Variants in HECW2 observed in about 807,000 individuals in gnomAD.
The protein encoded by HECW2 is E3 ubiquitin-protein ligase HECW2.
In HECW2, 61 loss-of-function variants were observed where a neutral mutation model predicts 175.2. The observed-to-expected ratio is 0.35, with a 90% confidence interval of 0.28 to 0.43. HECW2 has a LOEUF of 0.43. Ranked by LOEUF, HECW2 falls within the 20% of genes least tolerant of loss-of-function variation. The probability of loss-of-function intolerance (pLI) is 1.00; values close to 1 mark genes in which losing one functional copy is unlikely to be tolerated. For synonymous variants in HECW2, 671 were observed against 731.0 expected, an observed-to-expected ratio of 0.92 and a Z score of 1.32; for missense variants, 1,524 against 2,000.5, an observed-to-expected ratio of 0.76 and a Z score of 4.54.
At chr2:196,549,127 T>C (rs1689523079) in intron 1 of HECW2, among the ~76,000 whole-genome samples, 1 of 152,174 alleles carries the variant, frequency 6.6e-6, no homozygotes, top group South Asian at 2.1e-4. Flanking sequence ...CATTTTATCC[T>C]CTTAAAAGCC....
chr2:196,591,205 G>A (rs1434963034), intron 1 of HECW2, among the ~76,000 whole-genome samples: 3 of 152,288 alleles, frequency 2.0e-5, no homozygotes, highest in South Asian at 4.1e-4. Context: ...ATGGTGAAGC[G>A]AATGTCTTAG....
At chr2:196,441,833 G>A (rs1013203765) in intron 1 of HECW2, among the ~76,000 whole-genome samples, 12 of 152,104 alleles carry the variant, frequency 7.9e-5, no homozygotes, top group Non-Finnish European at 1.6e-4. Context: ...GAACTGAATA[G>A]AGAACCTGGG....
At chr2:196,528,996 G>A (rs1688758777) in intron 1 of HECW2, among the ~76,000 whole-genome samples, 1 of 152,218 alleles carries the variant, frequency 6.6e-6, no homozygotes, top group Non-Finnish European at 1.5e-5. Context: ...ACTAATGAGA[G>A]CAATTCTTGC....
intron 18 of HECW2, among the ~76,000 whole-genome samples, chr2:196,254,792 A>G (rs1410337479): frequency 1.3e-5 from 2 of 152,222 alleles, no homozygotes; most frequent in Non-Finnish European, 2.9e-5. Flanking sequence ...GACTCTTACA[A>G]ATCTAATACT....
chr2:196,571,393 A>T (rs1450386165), intron 1 of HECW2, among the ~76,000 whole-genome samples: 2 of 152,190 alleles, frequency 1.3e-5, no homozygotes, highest in African/African-American at 4.8e-5. Context: ...GCAAATCATT[A>T]AGTCTACTGG....
At chr2:196,400,350 G>A (rs76536959) in intron 2 of HECW2, among the ~76,000 whole-genome samples, 7,667 of 152,250 alleles carry the variant, frequency 0.05, 259 homozygotes, top group Non-Finnish European at 0.078. Context: ...TGTTGGCGGG[G>A]AAGGAGAGTA....
At chr2:196,214,591 AT>A (rs1302277264) in intron 28 of HECW2, among the ~76,000 whole-genome samples, 2 of 152,236 alleles carry the variant, frequency 1.3e-5, no homozygotes, top group East Asian at 3.8e-4. Flanking sequence ...CAAATAATGA[AT>A]TCCCAGATTT....
rs1575417383 is a variant in HECW2 at position 196,326,110 on chromosome 2, C to T, written c.572-961G>A. Among the ~76,000 whole-genome samples the T allele has an allele frequency of 5.9e-5, 9 of 152,182 alleles. 1 individual carries two copies. In the South Asian group the frequency reaches 1.9e-3, roughly 32 times the overall value. On this transcript the variant is annotated intron_variant, in intron 5 of 28. Transcript: ENST00000644978. ...TTCAGAGAGAAATTCTGCATATGGC[C>T]CCTGAACCTCCAAAGACCTTTGAAT...
At chr2:196,221,244 T>C (rs1029095966) in intron 24 of HECW2, among the ~76,000 whole-genome samples, 6 of 152,246 alleles carry the variant, frequency 3.9e-5, no homozygotes, top group Non-Finnish European at 8.8e-5. Flanking sequence ...ATTTGAATGT[T>C]TGACAAAACC....
intron 22 of HECW2, among the ~76,000 whole-genome samples, chr2:196,227,524 C>T (rs1367843608): frequency 6.6e-6 from 1 of 151,146 alleles, no homozygotes; most frequent in Non-Finnish European, 1.5e-5. Flanking sequence ...CGGTAAGTGG[C>T]CACTGCTTGT....
chr2:196,438,687 T>C (rs1243362193), intron 1 of HECW2, among the ~76,000 whole-genome samples: 1 of 152,370 alleles, frequency 6.6e-6, no homozygotes, highest in Admixed American at 6.5e-5. Context: ...AAGAGTTCTT[T>C]CATTACACTT....
At chr2:196,546,722 A>C (rs1323522438) in intron 1 of HECW2, among the ~76,000 whole-genome samples, 2 of 152,090 alleles carry the variant, frequency 1.3e-5, no homozygotes, top group East Asian at 3.9e-4. Context: ...TAGGTGATAA[A>C]CTGTACTGAA....
At chr2:196,386,792 A>C (rs1694364102) in intron 2 of HECW2, among the ~76,000 whole-genome samples, 1 of 152,192 alleles carries the variant, frequency 6.6e-6, no homozygotes, top group Non-Finnish European at 1.5e-5. Flanking sequence ...AATAGTGCTA[A>C]ACAAATTCAT....
intron 2 of HECW2, among the ~76,000 whole-genome samples, chr2:196,364,751 T>C (rs764349834): frequency 2.2e-4 from 33 of 152,134 alleles, no homozygotes; most frequent in Non-Finnish European, 3.7e-4. Flanking sequence ...ATTAAATAAA[T>C]ATAAAATGAA....
intron 2 of HECW2, among the ~76,000 whole-genome samples, chr2:196,425,804 G>A (rs1695530774): frequency 6.6e-6 from 1 of 152,090 alleles, no homozygotes; most frequent in African/African-American, 2.4e-5. Context: ...AAAAAAATTA[G>A]AATATTCCAT....
At chr2:196,489,482 A>G (rs1687115847) in intron 1 of HECW2, among the ~76,000 whole-genome samples, 1 of 152,280 alleles carries the variant, frequency 6.6e-6, no homozygotes, top group African/African-American at 2.4e-5. Flanking sequence ...AACCCACATC[A>G]TGGTTCCACT....
chr2:196,352,601 T>G (rs1693212325), intron 2 of HECW2, among the ~76,000 whole-genome samples: 1 of 141,558 alleles, frequency 7.1e-6, no homozygotes, highest in South Asian at 2.2e-4. Flanking sequence ...GGGAGCCAAC[T>G]GGAGAATGTG....
chr2:196,466,258 G>T (rs1487317300), intron 1 of HECW2, among the ~76,000 whole-genome samples: 1 of 152,212 alleles, frequency 6.6e-6, no homozygotes, highest in Non-Finnish European at 1.5e-5. Context: ...TCAGCAGTGT[G>T]CTAGAGCTGG....
At chr2:196,315,347 G>A (rs1691655575) in intron 10 of HECW2, among the ~76,000 whole-genome samples, 1 of 152,024 alleles carries the variant, frequency 6.6e-6, no homozygotes, top group Admixed American at 6.6e-5. Context: ...ATTTTGGGTG[G>A]GACAATTCTT....
Sources: allele counts gnomAD v4.1 joint callset (sites outside exome capture counted in the v4.1 genomes callset), GRCh38; gene constraint gnomAD v4.1.1; transcripts MANE v1.5; gene names NCBI Gene and HGNC (gene_info 2026-07-23, HGNC 2026-07-21).